SEMA4B: variants seen among roughly 807,000 people sequenced by gnomAD.
The protein encoded by SEMA4B is semaphorin-4B.
A neutral mutation model predicts 88.1 loss-of-function variants in SEMA4B; 55 were observed. The ratio of observed to expected loss-of-function variants is 0.62; its 90% CI spans 0.50 to 0.78. The LOEUF is 0.78. Ranked by LOEUF, SEMA4B falls within the 30% of genes least tolerant of loss-of-function variation. The probability of loss-of-function intolerance (pLI) is 0.00; values close to 1 mark genes in which losing one functional copy is unlikely to be tolerated. For missense variants in SEMA4B, 1,062 were observed against 1,111.9 expected (o/e 0.96, Z 0.64); for synonymous variants, 525 against 473.6 (o/e 1.11, Z -1.41).
chr15:90,198,695 A>G (rs1032616914), upstream of SEMA4B, among the ~76,000 whole-genome samples: 2 of 152,066 alleles, frequency 1.3e-5, no homozygotes, highest in South Asian at 4.1e-4. Flanking sequence ...TCGGGCTACT[A>G]TATATGTACC....
chr15:90,186,834 G>T (rs188938562), intron 1 of SEMA4B, among the ~76,000 whole-genome samples: 2 of 152,168 alleles, frequency 1.3e-5, no homozygotes, highest in East Asian at 3.9e-4. Flanking sequence ...TCGCGAGGCT[G>T]AGACAGAAGA....
chr15:90,217,395 A>T, intron 1 of SEMA4B, 44 bp from the exon 2 acceptor site: 13 of 1,581,484 alleles, frequency 8.2e-6, no homozygotes, highest in Non-Finnish European at 1.0e-5. Flanking sequence ...GAGGCTTCCC[A>T]TGGGAGGGGT....
chr15:90,197,381 C>G (rs1247299429), upstream of SEMA4B, among the ~76,000 whole-genome samples: 3 of 151,868 alleles, frequency 2.0e-5, no homozygotes, highest in Non-Finnish European at 4.4e-5. Context: ...CAGAGTGAGA[C>G]CCTCTCTCAA....
Position 90,229,320 on chromosome 15 carries a change from C to T in SEMA4B, c.*677C>T. On this transcript the variant is annotated 3_prime_UTR_variant, in exon 14 of 14. Transcript: ENST00000411539. ...ATCAGGCTGTGGCCACACGAGAGGA[C>T]AGCGCGAGCTCAGGAGAGATTTCGT... 2.2e-6 allele frequency: 1 copy of T among 456,930 alleles called. No individual in the cohort carries two copies. Among genetic ancestry groups the T allele is most frequent in the East Asian group, 6.9e-5 (1 of 14,392 alleles). The allele number at this position is 456,930 out of a possible 1,614,324, so 28.3% of individuals were successfully genotyped here.
chr15:90,194,042 G>GC (rs1211553072), intron 1 of SEMA4B, among the ~76,000 whole-genome samples: 1 of 151,816 alleles, frequency 6.6e-6, no homozygotes, highest in Non-Finnish European at 1.5e-5. Flanking sequence ...AGTAGAGACA[G>GC]CGTTTCATCA....
In SEMA4B at chr15:90,228,395, G is replaced by A. The variant is rs774583735; in HGVS notation, c.2266G>A (p.Val756Met). The change falls in exon 14 of 14, where the codon GTG (valine) becomes ATG (methionine). Residue 756 changes from valine (V) to methionine (M), a missense_variant. Physicochemically the swap from Val to Met is conservative, Grantham distance 21 (BLOSUM62 1). Transcript: ENST00000411539. ...CCTGAAGCAGGGGGAATGTGCCAGC[G>A]TGCACCCCAAGACCTGCCCTGTGGT... ...VFLKQGECAS[V>M]HPKTCPVVLP... 66 of 1,600,348 alleles carry A rather than the reference G, an allele frequency of 4.1e-5. No homozygotes were observed. The highest frequency in any genetic ancestry group is 6.7e-5 in the African/African-American group (5 of 74,688).
intron 1 of SEMA4B, among the ~76,000 whole-genome samples, chr15:90,215,683 A>T (rs1467860007): frequency 1.3e-5 from 2 of 152,120 alleles, no homozygotes; most frequent in Non-Finnish European, 2.9e-5. Context: ...ATGGTGGCAC[A>T]TGCCTGTAAT....
intron 1 of SEMA4B, among the ~76,000 whole-genome samples, chr15:90,207,774 C>T (rs1033342981): frequency 5.9e-5 from 9 of 152,134 alleles, no homozygotes; most frequent in African/African-American, 1.4e-4. Flanking sequence ...AGTCTCTGGA[C>T]GGGGCAGGGG....
At chr15:90,219,557 G>C (rs112394912) in intron 3 of SEMA4B, 4 of 466,326 alleles carry the variant, frequency 8.6e-6, no homozygotes, top group African/African-American at 4.6e-5. Flanking sequence ...TAGGCCGAAG[G>C]AAAGTTTGCC....
At chr15:90,194,177 G>T (rs1328534802) in intron 1 of SEMA4B, among the ~76,000 whole-genome samples, 1 of 151,972 alleles carries the variant, frequency 6.6e-6, no homozygotes, top group Admixed American at 6.6e-5. Context: ...GGATAATATG[G>T]AGAAATGTGG....
rs1020274886 is a variant in SEMA4B at position 90,223,987 on chromosome 15, C to T, written c.1193C>T (p.Ala398Val). 17 of 1,611,874 alleles carry T rather than the reference C, an allele frequency of 1.1e-5. No homozygotes were observed. Among genetic ancestry groups the T allele is most frequent in the African/African-American group, 1.3e-5 (1 of 75,024 alleles). ...THPVPTPRPG[A>V]CITNSARERK... is the part of the protein sequence containing the mutation. ...CCGGTGCCCACACCCCGGCCTGGAG[C>T]GGTGGGTACTGGCTCCCTGCACCCA... The change falls in exon 9 of 14, where the codon GCG (alanine) becomes GTG (valine). Residue 398 changes from alanine (A) to valine (V), a missense_variant and splice_region_variant. Transcript: ENST00000411539.
Position 90,225,355 on chromosome 15 carries a change from A to T in SEMA4B, c.1479A>T (p.Ser493=). 2 of 1,556,076 alleles carry T rather than the reference A, an allele frequency of 1.3e-6. No individual in the cohort carries two copies. Among genetic ancestry groups the T allele is most frequent in the Non-Finnish European group, 1.7e-6 (2 of 1,150,612 alleles). ...VHIIEELQIF[S]SGQPVQNLLL... The stretch of plus-strand genomic sequence containing the variant: ...TCATTGAGGAGCTGCAGATCTTCTC[A>T]TCGGGACAGCCCGTGCAGAATCTGC... Residue 493 remains serine (S), a synonymous_variant, in exon 11 of 14, where the codon TCA becomes TCT. Coordinates refer to ENST00000411539, the MANE Select transcript of SEMA4B (RefSeq NM_198925.4).
In SEMA4B at chr15:90,212,118, T is replaced by C. The variant is rs1961297945; in HGVS notation, c.158-5321T>C. On this transcript the variant is annotated intron_variant, in intron 1 of 13. Transcript: ENST00000411539. This position sits in a 1 kb window ranked among gnomAD's most constrained non-coding sequence, Gnocchi z 4.0. ...CTTACATGGGGCTGAGGGCTGAGTATTCCCACATCACTTCCTACTCAGAAC... is the reference window on the plus strand; with the variant it reads ...CTTACATGGGGCTGAGGGCTGAGTACTCCCACATCACTTCCTACTCAGAAC... Among the ~76,000 whole-genome samples, 2 of 151,894 alleles carry C rather than the reference T, an allele frequency of 1.3e-5. No homozygotes were observed. Among genetic ancestry groups the C allele is most frequent in the Non-Finnish European group, 2.9e-5 (2 of 67,980 alleles).
Position 90,225,147 on chromosome 15 carries a change from C to T in SEMA4B, c.1374C>T (p.His458=), listed in dbSNP as rs774124039. The change falls in exon 10 of 14, where the codon CAC becomes CAT. Residue 458 remains histidine, a synonymous_variant. Transcript: ENST00000411539. ...CTGTACACCGCGTCCCTGGCCTGCACCACACCTACGATGTCCTCTTCCTGG... is the reference window on the plus strand; with the variant it reads ...CTGTACACCGCGTCCCTGGCCTGCATCACACCTACGATGTCCTCTTCCTGG... The part of the protein sequence containing the change: ...RVAVHRVPGL[H]HTYDVLFLGT... The T allele has an allele frequency of 5.8e-5, 93 of 1,611,530 alleles. 1 individual carries two copies. Among genetic ancestry groups the T allele is most frequent in the Non-Finnish European group, 7.2e-5 (85 of 1,178,968 alleles).
intron 1 of SEMA4B, chr15:90,214,934 C>T: frequency 8.0e-7 from 1 of 1,248,930 alleles, no homozygotes. Flanking sequence ...TTTATGGAAC[C>T]AGGCTGGGGG....
intron 1 of SEMA4B, among the ~76,000 whole-genome samples, chr15:90,186,911 C>T (rs981803402): frequency 4.0e-5 from 6 of 151,276 alleles, no homozygotes; most frequent in Non-Finnish European, 2.9e-5. Context: ...CCAGCCTGGG[C>T]GACAGAGCAA....
At position 90,211,859 on chromosome 15, in the gene SEMA4B, G is replaced by T. The variant is rs530527387; in HGVS notation, c.158-5580G>T. Among the ~76,000 whole-genome samples, 7 of 152,314 alleles carry T rather than the reference G, an allele frequency of 4.6e-5. No homozygotes were observed. The East Asian group carries it at 1.4e-3, about 29-fold the overall frequency. ...CAGGGAAGCTGGTGTTTTCTGGCCTGATCCTGCTGGGGCCTGTAGAGGGTG... is the reference window on the plus strand; with the variant it reads ...CAGGGAAGCTGGTGTTTTCTGGCCTTATCCTGCTGGGGCCTGTAGAGGGTG... On this transcript the variant is annotated intron_variant, in intron 1 of 13. Coordinates refer to ENST00000411539, the MANE Select transcript of SEMA4B (RefSeq NM_198925.4).
upstream of SEMA4B, among the ~76,000 whole-genome samples, chr15:90,197,693 TC>T (rs1419055699): frequency 6.6e-6 from 1 of 151,762 alleles, no homozygotes; most frequent in African/African-American, 2.4e-5. Context: ...CACCTCGGCC[TC>T]CCAAAGTGCT....
intron 1 of SEMA4B, among the ~76,000 whole-genome samples, chr15:90,216,119 G>T (rs574955175): frequency 6.6e-6 from 1 of 151,934 alleles, no homozygotes; most frequent in African/African-American, 2.4e-5. Context: ...CTCCCGAGTA[G>T]CTGGGATTAC....
Sources: allele counts gnomAD v4.1 joint callset (sites outside exome capture counted in the v4.1 genomes callset), GRCh38; gene constraint gnomAD v4.1.1; non-coding constraint Gnocchi (gnomAD v3.1); transcripts MANE v1.5; gene names NCBI Gene and HGNC (gene_info 2026-07-23, HGNC 2026-07-21).